OPCML: variants seen among roughly 807,000 people sequenced by gnomAD.
OPCML encodes the protein opioid binding protein/cell adhesion molecule like, also known as opioid-binding protein/cell adhesion molecule.
A neutral mutation model predicts 37.8 loss-of-function variants in OPCML; 13 were observed. The observed-to-expected ratio is 0.34, with a 90% confidence interval of 0.22 to 0.55. The LOEUF (loss-of-function observed/expected upper bound fraction) is 0.55, where lower values mean the gene tolerates loss of function less well. Among genes scored for constraint, OPCML ranks in the 20% least tolerant of loss-of-function variants. OPCML has a pLI of 0.91. For missense variants in OPCML, 341 were observed against 435.6 expected, an observed-to-expected ratio of 0.78 and a Z score of 1.93; for synonymous variants, 176 against 168.8, an observed-to-expected ratio of 1.04 and a Z score of -0.33.
intron 4 of OPCML, among the ~76,000 whole-genome samples, chr11:132,512,191 G>C (rs987847134): frequency 6.6e-6 from 1 of 151,980 alleles, no homozygotes; most frequent in Non-Finnish European, 1.5e-5. Context: ...TATTAGAATA[G>C]ATAATATTTC....
chr11:132,763,540 C>T (rs1240832278), intron 2 of OPCML, among the ~76,000 whole-genome samples: 1 of 152,034 alleles, frequency 6.6e-6, no homozygotes, highest in East Asian at 1.9e-4. Context: ...ATGAGAAGTC[C>T]AGGAAAAGCT....
intron 2 of OPCML, among the ~76,000 whole-genome samples, chr11:132,700,412 G>T (rs964249894): frequency 6.6e-6 from 1 of 151,786 alleles, no homozygotes; most frequent in Admixed American, 6.6e-5. Flanking sequence ...CTCTAATATA[G>T]GTGTTTGTTG....
intron 1 of OPCML, among the ~76,000 whole-genome samples, chr11:133,498,879 C>T (rs772337480): frequency 1.6e-4 from 25 of 152,142 alleles, no homozygotes; most frequent in Non-Finnish European, 2.6e-4. Flanking sequence ...TTATGGAACC[C>T]AACAGGCTCT....
chr11:132,484,200 T>G (rs1246744003), intron 4 of OPCML, among the ~76,000 whole-genome samples: 1 of 152,014 alleles, frequency 6.6e-6, no homozygotes, highest in Non-Finnish European at 1.5e-5. Context: ...GAATCTACAA[T>G]GAACTCCAAC....
chr11:132,877,286 C>G (rs543461007), intron 2 of OPCML, among the ~76,000 whole-genome samples: 1 of 152,146 alleles, frequency 6.6e-6, no homozygotes, highest in East Asian at 1.9e-4. Flanking sequence ...AACTAAGCTG[C>G]ACCCCCCCAC....
intron 4 of OPCML, among the ~76,000 whole-genome samples, chr11:132,514,643 G>C (rs2096275846): frequency 6.6e-6 from 1 of 152,126 alleles, no homozygotes; most frequent in Non-Finnish European, 1.5e-5. Context: ...CTTAAAATAT[G>C]ACTCAATATT....
intron 1 of OPCML, among the ~76,000 whole-genome samples, chr11:133,441,646 G>T (rs74988311): frequency 2.0e-5 from 3 of 152,170 alleles, no homozygotes; most frequent in Non-Finnish European, 2.9e-5. Flanking sequence ...CTTGTTTGGG[G>T]AAGTTTCCTA....
intron 1 of OPCML, among the ~76,000 whole-genome samples, chr11:133,413,672 T>G (rs1391261230): frequency 2.0e-5 from 3 of 152,178 alleles, no homozygotes; most frequent in Non-Finnish European, 4.4e-5. Context: ...TTAGCCTGCA[T>G]GTCTTTCCCT....
intron 1 of OPCML, among the ~76,000 whole-genome samples, chr11:133,095,762 G>A (rs984014756): frequency 4.0e-5 from 6 of 151,284 alleles, no homozygotes; most frequent in Non-Finnish European, 7.4e-5. Flanking sequence ...GATAAAAATT[G>A]CATCTGACTT....
At chr11:133,250,487 G>A (rs373097768) in intron 1 of OPCML, among the ~76,000 whole-genome samples, 8 of 124,692 alleles carry the variant, frequency 6.4e-5, no homozygotes, top group East Asian at 2.8e-4. Context: ...AGGGAAGAAT[G>A]AAGAAAGGGA....
At chr11:132,691,743 C>A (rs983904992) in intron 2 of OPCML, among the ~76,000 whole-genome samples, 11 of 152,154 alleles carry the variant, frequency 7.2e-5, no homozygotes, top group Admixed American at 1.3e-4. Context: ...GTCTGATGAA[C>A]ATCTGATTAT....
chr11:132,869,174 C>T (rs1942697479), intron 2 of OPCML, among the ~76,000 whole-genome samples: 1 of 152,140 alleles, frequency 6.6e-6, no homozygotes, highest in South Asian at 2.1e-4. Context: ...ATGGGGCTAG[C>T]ATGAAGAATC....
At chr11:132,999,015 C>T (rs572229007) in intron 1 of OPCML, among the ~76,000 whole-genome samples, 6 of 152,280 alleles carry the variant, frequency 3.9e-5, no homozygotes, top group East Asian at 1.9e-4. Flanking sequence ...TCCCTCTTTC[C>T]GCAGATGAGG....
At chr11:133,115,483 G>A (rs191992716) in intron 1 of OPCML, among the ~76,000 whole-genome samples, 4 of 152,082 alleles carry the variant, frequency 2.6e-5, no homozygotes, top group African/African-American at 7.2e-5. Flanking sequence ...ATCTGAAGTC[G>A]AATGTGATTA....
At chr11:133,339,828 C>T (rs189446673) in intron 1 of OPCML, among the ~76,000 whole-genome samples, 5 of 152,230 alleles carry the variant, frequency 3.3e-5, no homozygotes, top group South Asian at 2.1e-4. Flanking sequence ...TTGTAGCCCT[C>T]GTAGAATCTT....
intron 7 of OPCML, among the ~76,000 whole-genome samples, chr11:132,430,313 A>C (rs1356445328): frequency 6.6e-6 from 1 of 152,084 alleles, no homozygotes; most frequent in Non-Finnish European, 1.5e-5. Flanking sequence ...GGTGGGGGAT[A>C]AGGCAGCGGC....
intron 3 of OPCML, among the ~76,000 whole-genome samples, chr11:132,655,136 G>A (rs1037586255): frequency 3.9e-5 from 6 of 152,178 alleles, no homozygotes; most frequent in African/African-American, 4.8e-5. Context: ...ATCTATCTTC[G>A]TTCTTGAAAA....
chr11:132,757,195 T>C (rs1946083818), intron 2 of OPCML, among the ~76,000 whole-genome samples: 1 of 152,218 alleles, frequency 6.6e-6, no homozygotes, highest in African/African-American at 2.4e-5. Context: ...TTATCCAGTC[T>C]ATCATTGATG....
intron 1 of OPCML, among the ~76,000 whole-genome samples, chr11:132,980,848 G>A (rs1229579027): frequency 3.3e-5 from 5 of 152,180 alleles, no homozygotes; most frequent in Non-Finnish European, 7.3e-5. Flanking sequence ...CGAGGTGTAC[G>A]GTGACTTATT....
Sources: gnomAD v4.1 joint callset for allele counts (sites outside exome capture counted in the v4.1 genomes callset) on GRCh38, gnomAD v4.1.1 for gene constraint, MANE v1.5 for transcripts, NCBI Gene and HGNC (gene_info 2026-07-23, HGNC 2026-07-21) for gene names.